The following MED17 variants were observed in gnomAD, a reference collection of about 807,000 sequenced individuals.
MED17 encodes mediator complex subunit 17.
Under a neutral mutation model 80.8 loss-of-function variants are expected in MED17, and 49 were observed. That is an observed-to-expected ratio of 0.61 (90% CI 0.48 to 0.77). The LOEUF (loss-of-function observed/expected upper bound fraction) is 0.77. Among genes scored for constraint, MED17 ranks in the 30% least tolerant of loss-of-function variants. The pLI is 0.00. For missense variants in MED17, 718 were observed against 787.0 expected, an observed-to-expected ratio of 0.91 and a Z score of 1.05; for synonymous variants, 281 against 280.4, an observed-to-expected ratio of 1.00 and a Z score of -0.02.
chr11:93,814,765 A>C lies in MED17; in HGVS notation c.*2701A>C, dbSNP rs1055553023. The C allele has an allele frequency of 6.6e-6, 1 of 152,170 alleles. No homozygotes were observed. Among genetic ancestry groups the C allele is most frequent in the Non-Finnish European group, 1.5e-5 (1 of 68,018 alleles). The allele number at this position is 152,170 out of a possible 1,614,324, so 9.4% of individuals were successfully genotyped here. On this transcript the variant is annotated 3_prime_UTR_variant, in exon 12 of 12. Transcript: ENST00000251871. ...AATGTCCTGTATTCATATTTGTATG[A>C]TGTTTTATATATGGTGAAGATATTG...
At position 93,812,028 on chromosome 11, in the gene MED17, G is replaced by A. The variant is rs1261761733; in HGVS notation, c.1920G>A (p.Glu640=). 1.2e-6 allele frequency: 2 copies of A among 1,614,078 alleles called. No individual in the cohort carries two copies. Among genetic ancestry groups the A allele is most frequent in the East Asian group, 4.5e-5 (2 of 44,852 alleles). Residue 640 remains glutamate (E), a synonymous_variant, in exon 12 of 12, where the codon GAG becomes GAA. Transcript: ENST00000251871. ...GTCGAAATTTTGTTTATAAAATGGAGCTGCTTATGTCTGCACTTAGCCCTT... is the reference window on the plus strand; with the variant it reads ...GTCGAAATTTTGTTTATAAAATGGAACTGCTTATGTCTGCACTTAGCCCTT... The part of the protein sequence containing the change: ...MEGRNFVYKM[E]LLMSALSPCL...
intron 8 of MED17, among the ~76,000 whole-genome samples, chr11:93,797,963 G>A (rs941644671): frequency 1.3e-5 from 2 of 152,158 alleles, no homozygotes; most frequent in African/African-American, 4.8e-5. Context: ...AACTGACTAG[G>A]AATGTGCCTT....
At position 93,784,747 on chromosome 11, in the gene MED17, C is replaced by A; in HGVS notation, c.234C>A (p.Asp78Glu). 6.5e-7 allele frequency: 1 copy of A among 1,541,346 alleles called. No homozygotes were observed. The highest frequency in any genetic ancestry group is 8.7e-7 in the Non-Finnish European group (1 of 1,148,226). ...GGCCGGGCGCCGGGTCCAGCGCAGA[C>A]CAGGACGACGAGGAAGGTAAGGCCT... ...QEWPGAGSSADQDDEEGVVKF... is the reference protein window; with the variant it reads ...QEWPGAGSSAEQDDEEGVVKF... The change falls in exon 1 of 12, where the codon GAC becomes GAA. Residue 78 changes from aspartate (D) to glutamate (E), a missense_variant. Physicochemically the swap from Asp to Glu is conservative, Grantham distance 45. Coordinates refer to ENST00000251871, the MANE Select transcript of MED17 (RefSeq NM_004268.5).
At chr11:93,805,928 A>T (rs1944019187) in intron 9 of MED17, among the ~76,000 whole-genome samples, 1 of 149,310 alleles carries the variant, frequency 6.7e-6, no homozygotes, top group South Asian at 2.1e-4. Flanking sequence ...GGCACCATGG[A>T]TAAAACCACT....
At position 93,801,962 on chromosome 11, in the gene MED17, C is replaced by T. The variant is rs778290669; in HGVS notation, c.1456C>T (p.Gln486Ter). The change falls in exon 9 of 12, where the codon CAA (glutamine) becomes TAA (stop). Residue 486 changes from glutamine (Q) to a stop codon, truncating the protein, a stop_gained. Coordinates refer to ENST00000251871, the MANE Select transcript of MED17 (RefSeq NM_004268.5). LOFTEE classifies it high-confidence loss of function. ...TTTAATCACATCACAAGGCTATGAACAAATATGCAAGTAAGTGGCCAAAAT... is the reference window on the plus strand; with the variant it reads ...TTTAATCACATCACAAGGCTATGAATAAATATGCAAGTAAGTGGCCAAAAT... ...KVLITSQGYE[Q>*]ICKSIQLQLN... 4 of 1,611,670 alleles carry T rather than the reference C, an allele frequency of 2.5e-6. No homozygotes were observed.
At position 93,796,408 on chromosome 11, in the gene MED17, A is replaced by C; in HGVS notation, c.1013-2A>C. On this transcript the variant is annotated splice_acceptor_variant, in intron 6 of 11. Transcript: ENST00000251871. LOFTEE classifies it high-confidence loss of function. ...ATATGTCCTCCTTCTTTTTATAAAT[A>C]GGCTTGCAGTTATCTATTTCTTTGT... The C allele has an allele frequency of 6.2e-7, 1 of 1,611,138 alleles. No homozygotes were observed. The highest frequency in any genetic ancestry group is 8.5e-7 in the Non-Finnish European group (1 of 1,177,602).
At chr11:93,809,677 C>T (rs1016253729) in intron 10 of MED17, 40 bp from the exon 11 acceptor site, 2 of 1,604,738 alleles carry the variant, frequency 1.2e-6, no homozygotes, top group Non-Finnish European at 1.7e-6. Flanking sequence ...CTGCAGATAT[C>T]TCTGCTGACT....
At chr11:93,799,948 A>C (rs1943944628) in intron 8 of MED17, among the ~76,000 whole-genome samples, 1 of 117,936 alleles carries the variant, frequency 8.5e-6, no homozygotes, top group Admixed American at 7.7e-5. Flanking sequence ...GTGACACCAA[A>C]ACAAACAAAT....
At chr11:93,788,291 G>T (rs1943791808) in intron 2 of MED17, 124 bp downstream of exon 2, 2 of 775,886 alleles carry the variant, frequency 2.6e-6, no homozygotes, top group Admixed American at 4.6e-5. Context: ...AAGATTTAAA[G>T]ACTAACTGGT....
Position 93,796,690 on chromosome 11 carries a change from G to C in MED17, c.1143+150G>C, listed in dbSNP as rs568649492. The C allele has an allele frequency of 8.7e-5, 81 of 932,318 alleles. No homozygotes were observed. The Admixed American group carries it at 9.2e-4, about 11-fold the overall frequency. The allele number at this position is 932,318 out of a possible 1,614,324, so 57.8% of individuals were successfully genotyped here. A position where few individuals can be genotyped will look rare whatever the true frequency, so the allele number is the denominator to read the frequency against. On this transcript the variant is annotated intron_variant, in intron 7 of 11. Coordinates refer to ENST00000251871, the MANE Select transcript of MED17 (RefSeq NM_004268.5). ...TGAAAGATCCTTGCTGTGTGCTAGGGGAATACAGAGATAATCACAATACTG... is the reference window on the plus strand; with the variant it reads ...TGAAAGATCCTTGCTGTGTGCTAGGCGAATACAGAGATAATCACAATACTG...
At position 93,810,247 on chromosome 11, in the gene MED17, G is replaced by A. The variant is rs144030542; in HGVS notation, c.1744+371G>A. 2.4e-3 allele frequency: 537 copies of A among 224,618 alleles called. 2 individuals carry two copies. Among genetic ancestry groups the A allele is most frequent in the African/African-American group, 0.012 (509 of 43,502 alleles). The allele number at this position is 224,618 out of a possible 1,614,324, so 13.9% of individuals were successfully genotyped here. A position where few individuals can be genotyped will look rare whatever the true frequency, so the allele number is the denominator to read the frequency against. On this transcript the variant is annotated intron_variant, in intron 11 of 11. Coordinates refer to ENST00000251871, the MANE Select transcript of MED17 (RefSeq NM_004268.5). The stretch of plus-strand genomic sequence containing the variant: ...AAATAGTAAAGGGATGGAACAGAGA[G>A]GAATATCTAATGCAAGGTACTACTT...
intron 1 of MED17, among the ~76,000 whole-genome samples, chr11:93,787,591 A>C (rs1037339225): frequency 1.1e-4 from 17 of 152,126 alleles, no homozygotes; most frequent in South Asian, 4.1e-4. Context: ...TACTTTTTTT[A>C]ATGGTTAAAA....
intron 3 of MED17, among the ~76,000 whole-genome samples, chr11:93,791,747 T>G (rs1943838176): frequency 6.6e-6 from 1 of 152,108 alleles, no homozygotes; most frequent in Non-Finnish European, 1.5e-5. Flanking sequence ...ATTCTCAGTG[T>G]TCTTCTGAGA....
rs1033985974 is a variant in MED17, at chr11:93,814,512, G to C, written c.*2448G>C. Reference sequence around the variant, plus strand: ...TGCTACTGGCTTGCTGTATGAACTTGGCAAGGATTCTCTGTGAACTTGTTT... The same window carrying C: ...TGCTACTGGCTTGCTGTATGAACTTCGCAAGGATTCTCTGTGAACTTGTTT... On this transcript the variant is annotated 3_prime_UTR_variant, in exon 12 of 12. Transcript: ENST00000251871. 7 of 152,256 alleles carry C rather than the reference G, an allele frequency of 4.6e-5. No homozygotes were observed. Among genetic ancestry groups the C allele is most frequent in the Non-Finnish European group, 1.0e-4 (7 of 68,018 alleles). The allele number at this position is 152,256 out of a possible 1,614,324, so 9.4% of individuals were successfully genotyped here.
At position 93,788,104 on chromosome 11, in the gene MED17, T is replaced by C. The variant is rs1325476071; in HGVS notation, c.354T>C (p.Ile118=). The C allele has an allele frequency of 1.2e-6, 2 of 1,613,658 alleles. No individual in the cohort carries two copies. Among genetic ancestry groups the C allele is most frequent in the African/African-American group, 2.7e-5 (2 of 74,922 alleles). ...EMCVLYDVLS[I]VRDKKFMTLD... is the part of the protein sequence containing the mutation. ...GTGTTCTCTATGATGTTCTCAGTATTGTTAGGGATAAAAAATTTATGACTC... is the reference window on the plus strand; with the variant it reads ...GTGTTCTCTATGATGTTCTCAGTATCGTTAGGGATAAAAAATTTATGACTC... Residue 118 remains isoleucine, a synonymous_variant, in exon 2 of 12, where the codon ATT becomes ATC. Coordinates refer to ENST00000251871, the MANE Select transcript of MED17 (RefSeq NM_004268.5).
chr11:93,790,474 T>A, intron 2 of MED17, 100 bp from the exon 3 acceptor site: 4 of 1,017,874 alleles, frequency 3.9e-6, no homozygotes, highest in Non-Finnish European at 6.1e-6. Flanking sequence ...TGCCCCTCCT[T>A]TTTGCTTTTT....
rs767661961 is a variant in MED17 at position 93,812,091 on chromosome 11, T to C, written c.*27T>C. 6.3e-6 allele frequency: 10 copies of C among 1,599,954 alleles called. No individual in the cohort carries two copies. The African/African-American group carries it at 9.4e-5, about 15-fold the overall frequency. ...TTTTTCCAGATGTTTCCTAAAGAAG[T>C]TTCCAGAAACTTTGACTTGAAATGT... is the stretch of plus-strand genomic sequence containing the variant. On this transcript the variant is annotated 3_prime_UTR_variant, in exon 12 of 12. Transcript: ENST00000251871.
At chr11:93,804,681 A>C (rs1944005838) in intron 9 of MED17, among the ~76,000 whole-genome samples, 2 of 152,230 alleles carry the variant, frequency 1.3e-5, no homozygotes, top group Non-Finnish European at 2.9e-5. Flanking sequence ...TAGCAACATA[A>C]TACACATAAC....
In MED17 at chr11:93,784,440, C is replaced by CG. The variant is rs1943745284; in HGVS notation, c.-74_-73insG. The CG allele has an allele frequency of 2.0e-6, 3 of 1,521,436 alleles. No homozygotes were observed. The African/African-American group carries it at 4.1e-5, about 21-fold the overall frequency. 94.2% of individuals were successfully genotyped at this position (1,521,436 alleles called of 1,614,324 possible). On this transcript the variant is annotated 5_prime_UTR_variant, in exon 1 of 12. Coordinates refer to ENST00000251871, the MANE Select transcript of MED17 (RefSeq NM_004268.5). ...GGGCTTCTGAGTTCCCGGCTCTCCG[C>CG]AGGGAAGCCTCCTCTTCGTACCTCG...
Sources: gnomAD v4.1 joint callset for allele counts (sites outside exome capture counted in the v4.1 genomes callset) on GRCh38, gnomAD v4.1.1 for gene constraint, MANE v1.5 for transcripts, NCBI Gene and HGNC (gene_info 2026-07-23, HGNC 2026-07-21) for gene names.